The following ZNF316 variants were observed in gnomAD, a reference collection of about 807,000 sequenced individuals.
The protein encoded by ZNF316 is zinc finger protein 316.
In ZNF316, 23 loss-of-function variants were observed where a neutral mutation model predicts 75.6. The observed-to-expected ratio is 0.30, with a 90% confidence interval of 0.22 to 0.43. The LOEUF (loss-of-function observed/expected upper bound fraction) is 0.43. ZNF316 is among the 20% of genes least tolerant of loss of function. The pLI, the probability that ZNF316 is intolerant of heterozygous loss-of-function variation, is 1.00. For synonymous variants in ZNF316, 827 were observed against 666.2 expected (o/e 1.24, Z -3.72); for missense variants, 1,266 against 1,409.4 (o/e 0.90, Z 1.63).
At position 6,658,148 on chromosome 7, in the gene ZNF316, C is replaced by G. The variant is rs1562587490; in HGVS notation, c.*3537C>G. ...TCCTTTTCTGATTCATTCCTTTTAT[C>G]CTGATCTTTTCACTTAATCTCGTCC... On this transcript the variant is annotated 3_prime_UTR_variant, in exon 9 of 9. Coordinates refer to ENST00000382252, the MANE Select transcript of ZNF316 (RefSeq NM_001278559.2). 6.6e-6 allele frequency among the ~76,000 whole-genome samples: 1 copy of G among 152,150 alleles called. No homozygotes were observed. The highest frequency in any genetic ancestry group is 1.5e-5 in the Non-Finnish European group (1 of 68,034).
chr7:6,645,622 T>G (rs1357488125), intron 8 of ZNF316, among the ~76,000 whole-genome samples: 1 of 149,252 alleles, frequency 6.7e-6, no homozygotes, highest in East Asian at 2.0e-4. Flanking sequence ...AGGCAGAGGT[T>G]GTAGTGAGCC....
intron 8 of ZNF316, among the ~76,000 whole-genome samples, chr7:6,647,722 G>A (rs568472242): frequency 6.6e-6 from 1 of 152,362 alleles, no homozygotes; most frequent in South Asian, 2.1e-4. Flanking sequence ...TCCGAGATGG[G>A]CAGAGGTTGC....
Position 6,652,863 on chromosome 7 carries a change from C to T in ZNF316, c.1267C>T (p.His423Tyr). The change falls in exon 9 of 9, where the codon CAT becomes TAT. Residue 423 changes from histidine to tyrosine, a missense_variant. By Grantham distance (83) the His-to-Tyr change is moderately conservative (BLOSUM62 2). Around this residue, in one of 3 missense-constraint regions of ZNF316, gnomAD observed 961 missense variants for 990.9 expected, o/e 0.97. Coordinates refer to ENST00000382252, the MANE Select transcript of ZNF316 (RefSeq NM_001278559.2). The stretch of plus-strand genomic sequence containing the variant: ...GCACCTGGTTACGCACCGACGCATC[C>T]ATACTGGCGAGCGGCCCTACCGCTG... ...KSHLVTHRRI[H>Y]TGERPYRCAF... 8.0e-7 allele frequency: 1 copy of T among 1,245,254 alleles called. No homozygotes were observed. The highest frequency in any genetic ancestry group is 1.0e-6 in the Non-Finnish European group (1 of 993,990). 77.1% of individuals were successfully genotyped at this position (1,245,254 alleles called of 1,614,324 possible).
Position 6,648,213 on chromosome 7 carries a change from T to G in ZNF316, c.706+3620T>G, listed in dbSNP as rs959967130. On this transcript the variant is annotated intron_variant, in intron 8 of 8. Coordinates refer to ENST00000382252, the MANE Select transcript of ZNF316 (RefSeq NM_001278559.2). ...ACTGGTGAGCAGGAGGGCACTAGTG[T>G]GGGCTGGAGGGTGCCCCGCCCCTCC... Among the ~76,000 whole-genome samples, 8 of 152,194 alleles carry G rather than the reference T, an allele frequency of 5.3e-5. No individual in the cohort carries two copies. In the East Asian group the frequency reaches 7.8e-4, roughly 15 times the overall value.
At chr7:6,651,177 C>T (rs557158579) in intron 8 of ZNF316, among the ~76,000 whole-genome samples, 2 of 151,226 alleles carry the variant, frequency 1.3e-5, no homozygotes, top group South Asian at 4.2e-4. Context: ...CTGAGAAACC[C>T]CATCTCTACT....
In ZNF316 at chr7:6,653,256, G is replaced by C; in HGVS notation, c.1660G>C (p.Glu554Gln). Residue 554 changes from glutamate to glutamine, a missense_variant, in exon 9 of 9, where the codon GAG (glutamate) becomes CAG (glutamine). Transcript: ENST00000382252. Reference sequence around the variant, plus strand: ...GGACGGAGAGGCGGAGGCCGCGGCCGAGGAGAGAGAGGAGGCGGCGGTGGC... The same window carrying C: ...GGACGGAGAGGCGGAGGCCGCGGCCCAGGAGAGAGAGGAGGCGGCGGTGGC... ...EADGEAEAAAEEREEAAVAAP... is the reference protein window; with the variant it reads ...EADGEAEAAAQEREEAAVAAP... The C allele has an allele frequency of 8.1e-7, 1 of 1,227,500 alleles. No homozygotes were observed. Among genetic ancestry groups the C allele is most frequent in the Middle Eastern group, 3.1e-4 (1 of 3,190 alleles). 76.0% of individuals were successfully genotyped at this position (1,227,500 alleles called of 1,614,324 possible). A position where few individuals can be genotyped will look rare whatever the true frequency, so the allele number is the denominator to read the frequency against.
At chr7:6,646,820 G>A (rs1407458308) in intron 8 of ZNF316, among the ~76,000 whole-genome samples, 1 of 152,128 alleles carries the variant, frequency 6.6e-6, no homozygotes, top group Non-Finnish European at 1.5e-5. Context: ...TTTGTTTCTA[G>A]ACTGGAGTCT....
rs1779635491 is a variant in ZNF316, at chr7:6,656,865, A to G, written c.*2254A>G. ...CAAGGTGTACAGCCCCAGGACCCAA[A>G]ATGCCTCCCTTAAAGCTGATTGGTT... On this transcript the variant is annotated 3_prime_UTR_variant, in exon 9 of 9. Coordinates refer to ENST00000382252, the MANE Select transcript of ZNF316 (RefSeq NM_001278559.2). 6.6e-6 allele frequency among the ~76,000 whole-genome samples: 1 copy of G among 152,094 alleles called. No homozygotes were observed. The highest frequency in any genetic ancestry group is 1.5e-5 in the Non-Finnish European group (1 of 68,014).
At chr7:6,644,855 G>T (rs773701815) in intron 8 of ZNF316, among the ~76,000 whole-genome samples, 4 of 152,218 alleles carry the variant, frequency 2.6e-5, no homozygotes, top group Non-Finnish European at 5.9e-5. Context: ...CTTTGCATGT[G>T]AGGGGCCAGC....
In ZNF316 at chr7:6,658,121, C is replaced by T. The variant is rs1294854132; in HGVS notation, c.*3510C>T. On this transcript the variant is annotated 3_prime_UTR_variant, in exon 9 of 9. Transcript: ENST00000382252. Reference sequence around the variant, plus strand: ...CTCTTTTGCCGGTTTCCCCAACCTCCTTCCTTTTCTGATTCATTCCTTTTA... The same window carrying T: ...CTCTTTTGCCGGTTTCCCCAACCTCTTTCCTTTTCTGATTCATTCCTTTTA... 6.6e-6 allele frequency among the ~76,000 whole-genome samples: 1 copy of T among 152,108 alleles called. No homozygotes were observed. Among genetic ancestry groups the T allele is most frequent in the African/African-American group, 2.4e-5 (1 of 41,424 alleles).
rs866091686 is a variant in ZNF316 at position 6,652,388 on chromosome 7, C to G, written c.792C>G (p.Asn264Lys). The G allele has an allele frequency of 2.6e-5, 32 of 1,232,374 alleles. No homozygotes were observed. The highest frequency in any genetic ancestry group is 3.0e-5 in the Non-Finnish European group (30 of 988,156). 76.3% of individuals were successfully genotyped at this position (1,232,374 alleles called of 1,614,324 possible). ...TGGCGGAGGTGGCCGAGGAGGAGAA[C>G]GAGCCCCCAGGGCTCTGGTCGGCGG... ...DFLAEVAEEE[N>K]EPPGLWSAAY... is the part of the protein sequence containing the mutation. Residue 264 changes from asparagine (N) to lysine (K), a missense_variant, in exon 9 of 9, where the codon AAC (asparagine) becomes AAG (lysine). By Grantham distance (94) the Asn-to-Lys change is moderately conservative (BLOSUM62 0). Around this residue, in one of 3 missense-constraint regions of ZNF316, gnomAD observed 961 missense variants for 990.9 expected, o/e 0.97. Coordinates refer to ENST00000382252, the MANE Select transcript of ZNF316 (RefSeq NM_001278559.2).
chr7:6,645,610 G>A (rs1779387152), intron 8 of ZNF316, among the ~76,000 whole-genome samples: 1 of 151,422 alleles, frequency 6.6e-6, no homozygotes, highest in South Asian at 2.1e-4. Context: ...CTTGAACCCG[G>A]GAGGCAGAGG....
At chr7:6,638,683 C>G (rs10255119) in intron 2 of ZNF316, among the ~76,000 whole-genome samples, 22,066 of 152,078 alleles carry the variant, frequency 0.15, 2,613 homozygotes, top group African/African-American at 0.32. Flanking sequence ...GCCTGTAATC[C>G]CAGCACTTTG....
At chr7:6,645,777 C>T (rs2462657) in intron 8 of ZNF316, among the ~76,000 whole-genome samples, 83,181 of 151,112 alleles carry the variant, frequency 0.55, 24,089 homozygotes, top group East Asian at 0.8. Context: ...GGACAGATCA[C>T]GAGGTCAGGA....
At chr7:6,644,379 A>G in intron 7 of ZNF316, 101 bp from the exon 8 acceptor site, 1 of 540,526 alleles carries the variant, frequency 1.9e-6, no homozygotes, top group Admixed American at 4.4e-5. Context: ...GGTGCTGGGA[A>G]GATGGAGGTG....
chr7:6,653,413 C>T lies in ZNF316; in HGVS notation c.1817C>T (p.Ser606Phe), dbSNP rs924172682. The T allele has an allele frequency of 2.4e-6, 3 of 1,227,984 alleles. No individual in the cohort carries two copies. Among genetic ancestry groups the T allele is most frequent in the Non-Finnish European group, 3.0e-6 (3 of 985,908 alleles). The allele number at this position is 1,227,984 out of a possible 1,614,324, so 76.1% of individuals were successfully genotyped here. ...TTCCACTTCCCCGTGCACCCCAAGTCCTGGCTGCACCCGGACAGCTTCCCG... is the reference window on the plus strand; with the variant it reads ...TTCCACTTCCCCGTGCACCCCAAGTTCTGGCTGCACCCGGACAGCTTCCCG... ...LGFHFPVHPK[S>F]WLHPDSFPIL... Residue 606 changes from serine (S) to phenylalanine (F), a missense_variant, in exon 9 of 9, where the codon TCC (serine) becomes TTC (phenylalanine). By Grantham distance (155) the Ser-to-Phe change is radical. Coordinates refer to ENST00000382252, the MANE Select transcript of ZNF316 (RefSeq NM_001278559.2).
Position 6,652,480 on chromosome 7 carries a change from A to C in ZNF316, c.884A>C (p.Glu295Ala). 1 of 1,231,444 alleles carries C rather than the reference A, an allele frequency of 8.1e-7. No individual in the cohort carries two copies. Among genetic ancestry groups the C allele is most frequent in the East Asian group, 3.2e-5 (1 of 31,636 alleles). 76.3% of individuals were successfully genotyped at this position (1,231,444 alleles called of 1,614,324 possible). ...PDDSDSAQTP[E>A]GWGPDPGGLG... ...GACTCGGATTCGGCGCAGACTCCAG[A>C]GGGGTGGGGACCCGACCCAGGCGGC... Residue 295 changes from glutamate (E) to alanine (A), a missense_variant, in exon 9 of 9, where the codon GAG becomes GCG. Glu to Ala is a moderately radical substitution (Grantham distance 107, BLOSUM62 -1). Transcript: ENST00000382252.
intron 8 of ZNF316, among the ~76,000 whole-genome samples, chr7:6,650,286 T>C (rs1477895023): frequency 1.3e-5 from 2 of 152,188 alleles, no homozygotes; most frequent in Non-Finnish European, 1.5e-5. Flanking sequence ...GGACGGGGCT[T>C]TTCTTTGCTG....
In ZNF316 at chr7:6,656,653, C is replaced by T. The variant is rs1205543792; in HGVS notation, c.*2042C>T. Among the ~76,000 whole-genome samples the T allele has an allele frequency of 6.6e-6, 1 of 152,248 alleles. No homozygotes were observed. The highest frequency in any genetic ancestry group is 1.5e-5 in the Non-Finnish European group (1 of 68,046). On this transcript the variant is annotated 3_prime_UTR_variant, in exon 9 of 9. Coordinates refer to ENST00000382252, the MANE Select transcript of ZNF316 (RefSeq NM_001278559.2). ...TTCCTTGGTGGCCCCCACGCTGCCCCACACTTGATGTAGTGTAAACACCTG... is the reference window on the plus strand; with the variant it reads ...TTCCTTGGTGGCCCCCACGCTGCCCTACACTTGATGTAGTGTAAACACCTG...
Sources: gnomAD v4.1 joint callset for allele counts (sites outside exome capture counted in the v4.1 genomes callset) on GRCh38, gnomAD v4.1.1 for gene constraint, gnomAD v4.1.1 regional missense constraint, MANE v1.5 for transcripts, NCBI Gene and HGNC (gene_info 2026-07-23, HGNC 2026-07-21) for gene names.